Variants in NAALADL2 observed in about 807,000 individuals in gnomAD.
NAALADL2 encodes inactive N-acetylated-alpha-linked acidic dipeptidase-like protein 2.
A neutral mutation model predicts 87.2 loss-of-function variants in NAALADL2; 76 were observed. The ratio of observed to expected loss-of-function variants is 0.87; its 90% CI spans 0.72 to 1.05. NAALADL2 has a LOEUF of 1.05. Among genes scored for constraint, NAALADL2 ranks in the 50% least tolerant of loss-of-function variants. The pLI is 0.00. For synonymous variants in NAALADL2, 354 were observed against 331.0 expected (o/e 1.07, Z -0.75); for missense variants, 1,089 against 945.8 (o/e 1.15, Z -1.99).
chr3:175,004,676 G>A (rs1748770838), intron 1 of NAALADL2, among the ~76,000 whole-genome samples: 1 of 152,022 alleles, frequency 6.6e-6, no homozygotes, highest in African/African-American at 2.4e-5. Context: ...CCACGTAAGT[G>A]GCTCAGATAG....
At chr3:175,181,986 A>G (rs1202520494) in intron 2 of NAALADL2, among the ~76,000 whole-genome samples, 1 of 151,782 alleles carries the variant, frequency 6.6e-6, no homozygotes, top group East Asian at 1.9e-4. Context: ...ACTCTTTTCC[A>G]TAATGGCTGT....
intron 3 of NAALADL2, among the ~76,000 whole-genome samples, chr3:174,762,823 TAAAA>T (rs910728615): frequency 6.6e-6 from 1 of 151,416 alleles, no homozygotes; most frequent in Non-Finnish European, 1.5e-5. Context: ...GTGCCAATAA[TAAAA>T]AAAAATCTTA....
At chr3:174,911,102 C>CTT (rs1033624726) in intron 1 of NAALADL2, among the ~76,000 whole-genome samples, 1 of 152,008 alleles carries the variant, frequency 6.6e-6, no homozygotes, top group Non-Finnish European at 1.5e-5. Flanking sequence ...CCCAAAAGTC[C>CTT]TTTTTTAAGA....
chr3:174,767,993 A>G (rs1714061392), intron 3 of NAALADL2, among the ~76,000 whole-genome samples: 1 of 152,214 alleles, frequency 6.6e-6, no homozygotes, highest in Non-Finnish European at 1.5e-5. Context: ...GAAGAGGCCT[A>G]TTAGAAACTG....
At chr3:175,040,564 TC>T (rs1158357605) in intron 1 of NAALADL2, among the ~76,000 whole-genome samples, 1 of 152,168 alleles carries the variant, frequency 6.6e-6, no homozygotes, top group African/African-American at 2.4e-5. Flanking sequence ...CATCTTGACC[TC>T]CACTTCCCAT....
At position 175,367,217 on chromosome 3, in the gene NAALADL2, A is replaced by G. The variant is rs574941190; in HGVS notation, c.1090+42892A>G. 2.6e-5 allele frequency among the ~76,000 whole-genome samples: 4 copies of G among 151,798 alleles called. No homozygotes were observed. In the South Asian group the frequency reaches 6.2e-4, roughly 24 times the overall value. On this transcript the variant is annotated intron_variant, in intron 5 of 13. Transcript: ENST00000454872. The stretch of plus-strand genomic sequence containing the variant: ...GGGCTCTATTCTGTTCCATTGATCT[A>G]TATCTCTATTTTGGTACCAGTTCCA...
chr3:175,611,239 C>A (rs920674210), intron 10 of NAALADL2, among the ~76,000 whole-genome samples: 1 of 151,904 alleles, frequency 6.6e-6, no homozygotes, highest in South Asian at 2.1e-4. Flanking sequence ...TTTACAAAGG[C>A]AAATAATAAT....
chr3:175,504,261 G>T (rs933525418), intron 9 of NAALADL2, among the ~76,000 whole-genome samples: 1 of 152,232 alleles, frequency 6.6e-6, no homozygotes, highest in East Asian at 1.9e-4. Flanking sequence ...TGTCAAAGAG[G>T]GCACTTCAGA....
intron 11 of NAALADL2, among the ~76,000 whole-genome samples, chr3:175,703,317 T>C (rs1222928592): frequency 2.0e-5 from 3 of 152,224 alleles, no homozygotes; most frequent in Non-Finnish European, 4.4e-5. Context: ...TATCAAACTG[T>C]CTAGGGATTC....
intron 9 of NAALADL2, among the ~76,000 whole-genome samples, chr3:175,546,963 G>T (rs1713442694): frequency 6.6e-6 from 1 of 152,082 alleles, no homozygotes; most frequent in Non-Finnish European, 1.5e-5. Flanking sequence ...TGGATAGGAG[G>T]AGTCAATATC....
chr3:175,080,087 T>TC (rs528309046), intron 1 of NAALADL2, among the ~76,000 whole-genome samples: 2 of 151,876 alleles, frequency 1.3e-5, no homozygotes, highest in East Asian at 1.9e-4. Flanking sequence ...TGCCTCAGCC[T>TC]CCCGAGTAGC....
intron 11 of NAALADL2, among the ~76,000 whole-genome samples, chr3:175,635,251 G>A (rs1257969478): frequency 6.6e-6 from 1 of 151,858 alleles, no homozygotes; most frequent in African/African-American, 2.4e-5. Flanking sequence ...TTACTCAAAA[G>A]TGAATTATTA....
At chr3:174,757,427 C>T (rs1453750001) in intron 3 of NAALADL2, among the ~76,000 whole-genome samples, 1 of 151,942 alleles carries the variant, frequency 6.6e-6, no homozygotes, top group Admixed American at 6.6e-5. Context: ...GACTTAGAAG[C>T]ATTGGAAAAC....
At chr3:175,425,610 G>C (rs1716642061) in intron 5 of NAALADL2, among the ~76,000 whole-genome samples, 1 of 151,956 alleles carries the variant, frequency 6.6e-6, no homozygotes, top group Admixed American at 6.6e-5. Flanking sequence ...TGTGGCCTCT[G>C]GTTACCATTT....
At chr3:174,670,803 G>C (rs1726458548) in intron 2 of NAALADL2, among the ~76,000 whole-genome samples, 1 of 151,972 alleles carries the variant, frequency 6.6e-6, no homozygotes, top group Non-Finnish European at 1.5e-5. Context: ...TATATGGTTT[G>C]AATCTGTGTC....
chr3:175,063,600 C>T (rs1255688400), intron 1 of NAALADL2, among the ~76,000 whole-genome samples: 8 of 152,064 alleles, frequency 5.3e-5, no homozygotes, highest in Non-Finnish European at 8.8e-5. Context: ...CCTTAGCCTC[C>T]CCAGTAGTTG....
chr3:175,663,985 G>C (rs1488580851), intron 11 of NAALADL2, among the ~76,000 whole-genome samples: 1 of 151,948 alleles, frequency 6.6e-6, no homozygotes, highest in Admixed American at 6.6e-5. Flanking sequence ...CAGTGTTTAG[G>C]AATAAAGTCT....
At chr3:175,082,137 A>T (rs1216051087) in intron 1 of NAALADL2, among the ~76,000 whole-genome samples, 1 of 152,186 alleles carries the variant, frequency 6.6e-6, no homozygotes, top group Non-Finnish European at 1.5e-5. Flanking sequence ...TCACACTATC[A>T]GTGGCAATTT....
chr3:174,876,253 T>C (rs1469748667), intron 1 of NAALADL2, among the ~76,000 whole-genome samples: 1 of 152,166 alleles, frequency 6.6e-6, no homozygotes, highest in African/African-American at 2.4e-5. Flanking sequence ...TCTAAGGCTC[T>C]GTAAGAGCAA....
Sources: gnomAD v4.1 joint callset for allele counts (sites outside exome capture counted in the v4.1 genomes callset) on GRCh38, gnomAD v4.1.1 for gene constraint, MANE v1.5 for transcripts, NCBI Gene and HGNC (gene_info 2026-07-23, HGNC 2026-07-21) for gene names.